Variants in KCNT2 observed in about 807,000 individuals in gnomAD.
KCNT2 encodes the protein potassium sodium-activated channel subfamily T member 2.
Under a neutral mutation model 153.8 loss-of-function variants are expected in KCNT2, and 67 were observed. That is an observed-to-expected ratio of 0.44 (90% CI 0.36 to 0.53). KCNT2 has a LOEUF of 0.53. KCNT2 is among the 20% of genes least tolerant of loss of function. KCNT2 has a pLI of 0.00. For missense variants in KCNT2, 975 were observed against 1,354.8 expected (o/e 0.72, Z 4.40); for synonymous variants, 500 against 458.8 (o/e 1.09, Z -1.15).
chr1:196,496,741 G>T (rs1438664094), intron 1 of KCNT2, among the ~76,000 whole-genome samples: 1 of 152,170 alleles, frequency 6.6e-6, no homozygotes, highest in African/African-American at 2.4e-5. Context: ...GGGCCAGGCA[G>T]GATCCCACCT....
At position 196,326,898 on chromosome 1, in the gene KCNT2, G is replaced by A; in HGVS notation, c.2104-9C>T. On this transcript the variant is annotated splice_polypyrimidine_tract_variant and intron_variant, in intron 18 of 27. Transcript: ENST00000294725. The stretch of plus-strand genomic sequence containing the variant: ...TAGTTATGTTGGCAACTCTAGAGAA[G>A]AGAAAGTATACATTGAAATGCCATT... 1 of 1,516,988 alleles carries A rather than the reference G, an allele frequency of 6.6e-7. No individual in the cohort carries two copies. Among genetic ancestry groups the A allele is most frequent in the Non-Finnish European group, 8.8e-7 (1 of 1,132,108 alleles). 94.0% of individuals were successfully genotyped at this position (1,516,988 alleles called of 1,614,324 possible). A position where few individuals can be genotyped will look rare whatever the true frequency, so the allele number is the denominator to read the frequency against.
At chr1:196,322,170 G>A (rs934515184) in intron 19 of KCNT2, among the ~76,000 whole-genome samples, 6 of 151,730 alleles carry the variant, frequency 4.0e-5, no homozygotes, top group African/African-American at 1.2e-4. Context: ...AAACAGAGAA[G>A]GCTTATTTAC....
intron 25 of KCNT2, chr1:196,259,652 G>C (rs1049769437): frequency 6.6e-6 from 1 of 151,808 alleles, no homozygotes; most frequent in South Asian, 2.1e-4. Context: ...AATTATACAG[G>C]CTCAGTCAAT....
chr1:196,388,940 C>T (rs1418656126), intron 13 of KCNT2, among the ~76,000 whole-genome samples: 1 of 151,752 alleles, frequency 6.6e-6, no homozygotes, highest in Non-Finnish European at 1.5e-5. Flanking sequence ...GAGCACACAG[C>T]TTTGACGTCT....
chr1:196,321,357 C>A (rs1663297860), intron 19 of KCNT2, among the ~76,000 whole-genome samples: 1 of 151,690 alleles, frequency 6.6e-6, no homozygotes, highest in Non-Finnish European at 1.5e-5. Context: ...GTCTTGAGGT[C>A]ACTGTGGACA....
At position 196,258,173 on chromosome 1, in the gene KCNT2, A is replaced by G. The variant is rs766572908; in HGVS notation, c.3211+21T>C. The G allele has an allele frequency of 1.9e-6, 3 of 1,610,696 alleles. No homozygotes were observed. The East Asian group carries it at 6.7e-5, about 36-fold the overall frequency. On this transcript the variant is annotated intron_variant, in intron 26 of 27. Coordinates refer to ENST00000294725, the MANE Select transcript of KCNT2 (RefSeq NM_198503.5). ...CAAGAAATCACGAGTCCATATATAC[A>G]GTAGTTTTTAAAGAGCATACCATAT... is the stretch of plus-strand genomic sequence containing the variant.
Position 196,429,709 on chromosome 1 carries a change from G to A in KCNT2, c.687C>T (p.Leu229=), listed in dbSNP as rs866355429. 1 of 1,611,802 alleles carries A rather than the reference G, an allele frequency of 6.2e-7. No individual in the cohort carries two copies. Among genetic ancestry groups the A allele is most frequent in the South Asian group, 1.1e-5 (1 of 90,764 alleles). The stretch of plus-strand genomic sequence containing the variant: ...CAATGCAGAAATAAAGGGAGTCAAA[G>A]AGATTCAGCTTCTTTCCTATTCGTT... ...HLERIGKKLN[L]FDSLYFCIVT... is the part of the protein sequence containing the mutation. The change falls in exon 9 of 28, where the codon CTC becomes CTT. Residue 229 remains leucine (L), a synonymous_variant. Transcript: ENST00000294725.
rs1170403238 is a variant in KCNT2 at position 196,225,816 on chromosome 1, A to T, written c.*2408T>A. On this transcript the variant is annotated 3_prime_UTR_variant, in exon 28 of 28. Transcript: ENST00000294725. ...GAAATAATTTTATTATTTATTTTAA[A>T]GCAGTTCAATGTAACTGGTAGCAAA... The T allele has an allele frequency of 3.3e-5, 5 of 152,194 alleles. No homozygotes were observed. The highest frequency in any genetic ancestry group is 3.3e-4 in the Admixed American group (5 of 15,278). 9.4% of individuals were successfully genotyped at this position (152,194 alleles called of 1,614,324 possible).
intron 22 of KCNT2, among the ~76,000 whole-genome samples, chr1:196,302,926 C>T (rs1661318824): frequency 6.6e-6 from 1 of 151,770 alleles, no homozygotes; most frequent in Non-Finnish European, 1.5e-5. Flanking sequence ...CCTTCCTATC[C>T]CTGAATAATT....
intron 1 of KCNT2, among the ~76,000 whole-genome samples, chr1:196,582,157 C>G (rs1410287924): frequency 6.6e-6 from 1 of 152,038 alleles, no homozygotes; most frequent in African/African-American, 2.4e-5. Flanking sequence ...TTAGTATCCC[C>G]TTCCAGCAAG....
At chr1:196,531,926 A>G (rs895014512) in intron 1 of KCNT2, among the ~76,000 whole-genome samples, 2 of 152,046 alleles carry the variant, frequency 1.3e-5, no homozygotes, top group African/African-American at 4.8e-5. Flanking sequence ...GGTATTCTAA[A>G]TAGGTTTATC....
At chr1:196,309,919 A>AT (rs1307442507) in intron 21 of KCNT2, among the ~76,000 whole-genome samples, 3 of 151,918 alleles carry the variant, frequency 2.0e-5, no homozygotes, top group Non-Finnish European at 4.4e-5. Context: ...CTTTTCTACA[A>AT]TTACTTCGTG....
intron 14 of KCNT2, among the ~76,000 whole-genome samples, chr1:196,362,403 G>A (rs755290711): frequency 5.3e-5 from 8 of 151,964 alleles, no homozygotes; most frequent in African/African-American, 1.2e-4. Context: ...TCTGGATGCC[G>A]GAGCATGACA....
intron 1 of KCNT2, among the ~76,000 whole-genome samples, chr1:196,589,125 A>G (rs1663034819): frequency 6.6e-6 from 1 of 151,986 alleles, no homozygotes; most frequent in Non-Finnish European, 1.5e-5. Flanking sequence ...TTAGAAATAC[A>G]TGTCACAAAA....
chr1:196,601,352 A>G (rs1664698455), intron 1 of KCNT2, among the ~76,000 whole-genome samples: 1 of 152,204 alleles, frequency 6.6e-6, no homozygotes, highest in Non-Finnish European at 1.5e-5. Context: ...ACTGTAATTA[A>G]GTTCGCATAT....
intron 5 of KCNT2, among the ~76,000 whole-genome samples, chr1:196,476,978 T>A (rs1678590694): frequency 6.6e-6 from 1 of 152,212 alleles, no homozygotes; most frequent in African/African-American, 2.4e-5. Flanking sequence ...AAGTTTCTTA[T>A]ACTTGACATA....
At chr1:196,384,080 A>G (rs979639426) in intron 13 of KCNT2, among the ~76,000 whole-genome samples, 2 of 152,208 alleles carry the variant, frequency 1.3e-5, no homozygotes, top group Non-Finnish European at 2.9e-5. Flanking sequence ...TGGATGTGCT[A>G]ACTAACTTGA....
chr1:196,528,170 T>C (rs1202183844), intron 1 of KCNT2, among the ~76,000 whole-genome samples: 1 of 152,240 alleles, frequency 6.6e-6, no homozygotes, highest in Non-Finnish European at 1.5e-5. Context: ...TCACTCATGC[T>C]GTGATCATTG....
At chr1:196,266,642 C>G (rs1240643979) in intron 25 of KCNT2, among the ~76,000 whole-genome samples, 2 of 152,122 alleles carry the variant, frequency 1.3e-5, no homozygotes, top group East Asian at 3.9e-4. Context: ...CAAGGAACCC[C>G]TTACCTAAGA....
Sources: gnomAD v4.1 joint callset for allele counts (sites outside exome capture counted in the v4.1 genomes callset) on GRCh38, gnomAD v4.1.1 for gene constraint, MANE v1.5 for transcripts, NCBI Gene and HGNC (gene_info 2026-07-23, HGNC 2026-07-21) for gene names.